Variants in SMIM19 observed in about 807,000 individuals in gnomAD.
SMIM19 encodes the protein UPF0697 protein C8orf40.
A neutral mutation model predicts 13.2 loss-of-function variants in SMIM19; 6 were observed. The ratio of observed to expected loss-of-function variants is 0.45; its 90% CI spans 0.25 to 0.90. The LOEUF (loss-of-function observed/expected upper bound fraction) is 0.90, where lower values mean the gene tolerates loss of function less well. Among genes scored for constraint, SMIM19 ranks in the 40% least tolerant of loss-of-function variants. The pLI, the probability that SMIM19 is intolerant of heterozygous loss-of-function variation, is 0.19. For missense variants in SMIM19, 138 were observed against 131.0 expected (o/e 1.05, Z -0.26); for synonymous variants, 46 against 43.1 (o/e 1.07, Z -0.27).
chr8:42,552,536 G>T lies in SMIM19; in HGVS notation c.260-8G>T, dbSNP rs941788880. On this transcript the variant is annotated splice_polypyrimidine_tract_variant and splice_region_variant and intron_variant, in intron 3 of 3. Coordinates refer to ENST00000417410, the MANE Select transcript of SMIM19 (RefSeq NM_001135674.2). The stretch of plus-strand genomic sequence containing the variant: ...AATTTTATCTCTTCTTTTTCTTGTT[G>T]TGAATAGCAAGAAAGTACGACTATC... The T allele has an allele frequency of 6.2e-7, 1 of 1,613,412 alleles. No homozygotes were observed. The highest frequency in any genetic ancestry group is 8.5e-7 in the Non-Finnish European group (1 of 1,179,756).
intron 1 of SMIM19, among the ~76,000 whole-genome samples, chr8:42,544,358 CCGAGAT>C (rs1213421474): frequency 1.3e-5 from 2 of 151,414 alleles, no homozygotes; most frequent in African/African-American, 4.9e-5. Context: ...TTGCAGTGAG[CCGAGAT>C]CGTGCCACTG....
Position 42,545,021 on chromosome 8 carries a change from G to T in SMIM19, c.-4-1448G>T, listed in dbSNP as rs80259560. ...AACAACTTTTTAGACTGTTTTTCTT[G>T]GTATTAGAAAATGACTGATTCTCAG... On this transcript the variant is annotated intron_variant, in intron 1 of 3. Transcript: ENST00000417410. Among the ~76,000 whole-genome samples, 744 of 152,224 alleles carry T rather than the reference G, an allele frequency of 4.9e-3. 9 individuals carry two copies. The highest frequency in any genetic ancestry group is 0.017 in the African/African-American group (714 of 41,536).
intron 3 of SMIM19, among the ~76,000 whole-genome samples, chr8:42,550,421 T>C (rs1475201116): frequency 6.6e-6 from 1 of 152,200 alleles, no homozygotes; most frequent in Non-Finnish European, 1.5e-5. Flanking sequence ...TGCACCGTGC[T>C]AACTTCAGGG....
chr8:42,543,451 G>T (rs1001402389), intron 1 of SMIM19, among the ~76,000 whole-genome samples: 1 of 152,190 alleles, frequency 6.6e-6, no homozygotes, highest in Non-Finnish European at 1.5e-5. Context: ...TCAAGTGCAT[G>T]TGCCTGGAAG....
At chr8:42,549,338 G>C (rs930824641) in intron 3 of SMIM19, among the ~76,000 whole-genome samples, 2 of 152,068 alleles carry the variant, frequency 1.3e-5, no homozygotes, top group East Asian at 3.8e-4. Flanking sequence ...CTCGAACCTG[G>C]GAGGCAGAGG....
rs1813495423 is a variant in SMIM19 at position 42,546,606 on chromosome 8, G to A, written c.134G>A (p.Arg45Lys). 8 of 1,605,442 alleles carry A rather than the reference G, an allele frequency of 5.0e-6. No homozygotes were observed. In the Admixed American group the frequency reaches 1.2e-4, roughly 25 times the overall value. The change falls in exon 2 of 4, where the codon AGG becomes AAG. Residue 45 changes from arginine (R) to lysine (K), a missense_variant and splice_region_variant. Arg to Lys is a conservative substitution (Grantham distance 26). Transcript: ENST00000417410. Reference sequence around the variant, plus strand: ...TTCGGTCTCTTCATGTATGCCAAAAGGTAAATTTTTGTTTCTCAGGGTAGA... The same window carrying A: ...TTCGGTCTCTTCATGTATGCCAAAAAGTAAATTTTTGTTTCTCAGGGTAGA... ...VSFGLFMYAK[R>K]NKRRIMRIFS...
At position 42,542,391 on chromosome 8, in the gene SMIM19, T is replaced by A. The variant is rs1563565145; in HGVS notation, c.-5+18T>A. On this transcript the variant is annotated intron_variant, in intron 1 of 3. Coordinates refer to ENST00000417410, the MANE Select transcript of SMIM19 (RefSeq NM_001135674.2). The stretch of plus-strand genomic sequence containing the variant: ...GTGAGCTTGTATGTACCCTTTGGCT[T>A]CAGAATACCAAGCCTTTAGTGTTTC... 1 of 980,828 alleles carries A rather than the reference T, an allele frequency of 1.0e-6. No individual in the cohort carries two copies. Among genetic ancestry groups the A allele is most frequent in the Non-Finnish European group, 1.2e-6 (1 of 825,920 alleles). 60.8% of individuals were successfully genotyped at this position (980,828 alleles called of 1,614,324 possible).
At chr8:42,551,266 T>C (rs1813666342) in intron 3 of SMIM19, among the ~76,000 whole-genome samples, 1 of 145,048 alleles carries the variant, frequency 6.9e-6, no homozygotes, top group Non-Finnish European at 1.5e-5. Flanking sequence ...TGCAGGGAGC[T>C]GAGATCACGC....
intron 3 of SMIM19, among the ~76,000 whole-genome samples, chr8:42,550,054 C>T (rs1813618009): frequency 6.6e-6 from 1 of 151,828 alleles, no homozygotes; most frequent in African/African-American, 2.4e-5. Context: ...AGAGATCACA[C>T]CATTACACTC....
At chr8:42,547,995 T>C (rs1437342859) in intron 2 of SMIM19, among the ~76,000 whole-genome samples, 5 of 152,208 alleles carry the variant, frequency 3.3e-5, no homozygotes, top group Non-Finnish European at 7.3e-5. Flanking sequence ...TGAGGAATCA[T>C]TCAGAGCCCG....
intron 3 of SMIM19, among the ~76,000 whole-genome samples, chr8:42,550,122 C>G (rs923822715): frequency 1.3e-5 from 2 of 151,908 alleles, no homozygotes; most frequent in African/African-American, 4.8e-5. Flanking sequence ...AAGTACAGAG[C>G]CAGGAGCTCT....
At chr8:42,546,385 C>A in intron 1 of SMIM19, 84 bp from the exon 2 acceptor site, 3 of 1,447,328 alleles carry the variant, frequency 2.1e-6, no homozygotes, top group Non-Finnish European at 2.7e-6. Context: ...ATTTGGCCAG[C>A]AGGCCATATG....
In SMIM19 at chr8:42,548,789, A is replaced by T; in HGVS notation, c.259+9A>T. The T allele has an allele frequency of 1.2e-6, 2 of 1,611,600 alleles. No individual in the cohort carries two copies. Among genetic ancestry groups the T allele is most frequent in the Non-Finnish European group, 1.7e-6 (2 of 1,178,982 alleles). On this transcript the variant is annotated intron_variant, in intron 3 of 3. Coordinates refer to ENST00000417410, the MANE Select transcript of SMIM19 (RefSeq NM_001135674.2). ...GGAAATGTATTCCATTTGTAAGTAT[A>T]TTCTGTGCTGAAAGATACACATATG...
Position 42,552,907 on chromosome 8 carries a change from G to A in SMIM19, c.*299G>A, listed in dbSNP as rs1813717896. The A allele has an allele frequency of 2.3e-5, 7 of 305,894 alleles. No individual in the cohort carries two copies. The South Asian group carries it at 7.6e-4, about 33-fold the overall frequency. The allele number at this position is 305,894 out of a possible 1,614,324, so 18.9% of individuals were successfully genotyped here. ...AGTGAGAAATAAAAACACATCTTGG[G>A]AAGTGGGAATCCTGGAGTTTATGCC... is the stretch of plus-strand genomic sequence containing the variant. On this transcript the variant is annotated 3_prime_UTR_variant, in exon 4 of 4. Transcript: ENST00000417410.
At position 42,554,876 on chromosome 8, in the gene SMIM19, C is replaced by T. The variant is rs1172197902; in HGVS notation, c.*2268C>T. ...TGTGTAAGATATTCAGCAGTAAGCA[C>T]TGGTCAGCCTGCCCTGGTGCACAGC... On this transcript the variant is annotated 3_prime_UTR_variant, in exon 4 of 4. Coordinates refer to ENST00000417410, the MANE Select transcript of SMIM19 (RefSeq NM_001135674.2). 2.0e-5 allele frequency: 3 copies of T among 152,236 alleles called. No individual in the cohort carries two copies. Among genetic ancestry groups the T allele is most frequent in the Non-Finnish European group, 4.4e-5 (3 of 68,050 alleles). 9.4% of individuals were successfully genotyped at this position (152,236 alleles called of 1,614,324 possible). A position where few individuals can be genotyped will look rare whatever the true frequency, so the allele number is the denominator to read the frequency against.
In SMIM19 at chr8:42,552,681, TA is replaced by T. The variant is rs1467092480; in HGVS notation, c.*78del. 6.8e-7 allele frequency: 1 copy of T among 1,475,086 alleles called. No homozygotes were observed. The highest frequency in any genetic ancestry group is 9.4e-7 in the Non-Finnish European group (1 of 1,063,680). 91.4% of individuals were successfully genotyped at this position (1,475,086 alleles called of 1,614,324 possible). ...CTTTCTACTAAATCATGAACAGCTT[TA>T]AAAACATTTCTGTCTGCATAAAATT... On this transcript the variant is annotated 3_prime_UTR_variant, in exon 4 of 4. Transcript: ENST00000417410.
rs895241028 is a variant in SMIM19 at position 42,548,747 on chromosome 8, C to T, written c.226C>T (p.Arg76Cys). The T allele has an allele frequency of 1.9e-6, 3 of 1,613,700 alleles. No homozygotes were observed. The highest frequency in any genetic ancestry group is 2.5e-6 in the Non-Finnish European group (3 of 1,179,916). ...PNFYDTISKI[R>C]LRQQLEMYSI... Reference sequence around the variant, plus strand: ...CTTTTATGACACGATAAGCAAGATTCGTTTAAGACAACAACTGGAAATGTA... The same window carrying T: ...CTTTTATGACACGATAAGCAAGATTTGTTTAAGACAACAACTGGAAATGTA... Residue 76 changes from arginine (R) to cysteine (C), a missense_variant, in exon 3 of 4, where the codon CGT (arginine) becomes TGT (cysteine). By Grantham distance (180) the Arg-to-Cys change is radical. Transcript: ENST00000417410.
intron 1 of SMIM19, among the ~76,000 whole-genome samples, chr8:42,545,565 C>G (rs928953139): frequency 9.9e-5 from 15 of 152,194 alleles, no homozygotes; most frequent in Non-Finnish European, 1.9e-4. Context: ...GAGTCCCGCT[C>G]TGTCACCCAG....
At chr8:42,542,520 A>C in intron 1 of SMIM19, 147 bp downstream of exon 1, 1 of 963,020 alleles carries the variant, frequency 1.0e-6, no homozygotes, top group African/African-American at 1.8e-5. Flanking sequence ...CAAAGTAACA[A>C]AGTTCTAAGT....
Sources: gnomAD v4.1 joint callset for allele counts (sites outside exome capture counted in the v4.1 genomes callset) on GRCh38, gnomAD v4.1.1 for gene constraint, MANE v1.5 for transcripts, NCBI Gene and HGNC (gene_info 2026-07-23, HGNC 2026-07-21) for gene names.